The following SENP6 variants were observed in gnomAD, a reference collection of about 807,000 sequenced individuals.
The protein encoded by SENP6 is sentrin-specific protease 6.
Under a neutral mutation model 134.5 loss-of-function variants are expected in SENP6, and 41 were observed. That is an observed-to-expected ratio of 0.30 (90% CI 0.24 to 0.40). The LOEUF (loss-of-function observed/expected upper bound fraction) is 0.40, where lower values mean the gene tolerates loss of function less well. Among genes scored for constraint, SENP6 ranks in the 10% least tolerant of loss-of-function variants. The pLI is 1.00. For missense variants in SENP6, 1,248 were observed against 1,312.5 expected (o/e 0.95, Z 0.76); for synonymous variants, 395 against 429.8 (o/e 0.92, Z 1.00).
At chr6:75,706,692 A>G (rs1775425601) in intron 19 of SENP6, among the ~76,000 whole-genome samples, 1 of 152,226 alleles carries the variant, frequency 6.6e-6, no homozygotes, top group African/African-American at 2.4e-5. Flanking sequence ...GTATGTGTAT[A>G]CCATATCAAC....
intron 18 of SENP6, among the ~76,000 whole-genome samples, chr6:75,699,658 T>C (rs1439437376): frequency 6.6e-6 from 1 of 151,590 alleles, no homozygotes; most frequent in Non-Finnish European, 1.5e-5. Flanking sequence ...CAGCTAATTT[T>C]TGTATTTTTT....
Position 75,668,898 on chromosome 6 carries a change from A to T in SENP6, c.1225-1655A>T, listed in dbSNP as rs116012846. ...TGATGCTCCATGGAGGGTGTGGACC[A>T]TTCATATTCTAGACTAAATCCTTTA... On this transcript the variant is annotated intron_variant, in intron 10 of 23. Coordinates refer to ENST00000447266, the MANE Select transcript of SENP6 (RefSeq NM_015571.4). Among the ~76,000 whole-genome samples the T allele has an allele frequency of 4.6e-3, 697 of 152,322 alleles. 7 individuals carry two copies. Among genetic ancestry groups the T allele is most frequent in the African/African-American group, 0.015 (618 of 41,574 alleles).
chr6:75,626,125 T>TTG (rs1554160469), intron 3 of SENP6, among the ~76,000 whole-genome samples: 3 of 151,052 alleles, frequency 2.0e-5, no homozygotes, highest in South Asian at 2.1e-4. Context: ...GAGAGTTAGG[T>TTG]TTGTTGTTGT....
chr6:75,676,541 T>TA (rs938558346), intron 13 of SENP6: 7 of 156,428 alleles, frequency 4.5e-5, no homozygotes, highest in East Asian at 1.9e-4. Flanking sequence ...GCTTAGAAGA[T>TA]ATACACATTT....
chr6:75,665,339 A>G (rs544913691), intron 9 of SENP6, among the ~76,000 whole-genome samples: 1 of 152,256 alleles, frequency 6.6e-6, no homozygotes, highest in Non-Finnish European at 1.5e-5. Flanking sequence ...CAAAATGCAT[A>G]ATATTGAGGG....
chr6:75,667,667 T>G (rs906693520), intron 10 of SENP6, among the ~76,000 whole-genome samples: 1 of 152,196 alleles, frequency 6.6e-6, no homozygotes, highest in Non-Finnish European at 1.5e-5. Context: ...GAAAGAAATG[T>G]AAAAATGACC....
At chr6:75,676,931 C>G in intron 13 of SENP6, 99 bp from the exon 14 acceptor site, 2 of 658,718 alleles carry the variant, frequency 3.0e-6, no homozygotes, top group East Asian at 5.5e-5. Flanking sequence ...ACTGGGATTT[C>G]TGATTATCCT....
chr6:75,627,591 C>T (rs1768793968), intron 3 of SENP6, among the ~76,000 whole-genome samples: 1 of 152,076 alleles, frequency 6.6e-6, no homozygotes, highest in Non-Finnish European at 1.5e-5. Flanking sequence ...AAATGAGACT[C>T]TACCAGAAAT....
chr6:75,618,277 G>T (rs1186011759), intron 1 of SENP6, among the ~76,000 whole-genome samples: 1 of 151,792 alleles, frequency 6.6e-6, no homozygotes, highest in East Asian at 1.9e-4. Flanking sequence ...TTATTCATCT[G>T]TTTTTATCAG....
At position 75,705,925 on chromosome 6, in the gene SENP6, C is replaced by CTT. The variant is rs71544062; in HGVS notation, c.2716+2881_2716+2882dup. Among the ~76,000 whole-genome samples, 31 of 47,974 alleles carry CTT rather than the reference C, an allele frequency of 6.5e-4. 2 individuals are homozygous for CTT. The highest frequency in any genetic ancestry group is 2.7e-3 in the East Asian group (3 of 1,132). The allele number at this position is 47,974 out of a possible 152,430, so 31.5% of individuals were successfully genotyped here. A position where few individuals can be genotyped will look rare whatever the true frequency, so the allele number is the denominator to read the frequency against. On this transcript the variant is annotated intron_variant, in intron 19 of 23. Transcript: ENST00000447266. Reference sequence around the variant, plus strand: ...GTGAGTTAGAAAGCTATTTTTGAGCCTTTTTTTTTTTTTTTTTTTTTTTTT... The same window carrying CTT: ...GTGAGTTAGAAAGCTATTTTTGAGCCTTTTTTTTTTTTTTTTTTTTTTTTTTT...
intron 21 of SENP6, among the ~76,000 whole-genome samples, chr6:75,712,533 AT>A (rs896918647): frequency 3.5e-4 from 53 of 152,200 alleles, no homozygotes; most frequent in Middle Eastern, 3.4e-3. Flanking sequence ...AAAAAAAAAA[AT>A]AATAGCCAAC....
At chr6:75,709,751 C>G (rs946880487) in intron 20 of SENP6, 121 bp downstream of exon 20, 7 of 591,158 alleles carry the variant, frequency 1.2e-5, no homozygotes, top group Non-Finnish European at 2.1e-5. Context: ...AGAAAGATCT[C>G]TTGAGCCTAG....
intron 7 of SENP6, among the ~76,000 whole-genome samples, chr6:75,649,361 A>C (rs1032848970): frequency 2.0e-5 from 3 of 152,172 alleles, no homozygotes; most frequent in African/African-American, 7.2e-5. Flanking sequence ...GATTTGGCCC[A>C]CTAATAATGG....
intron 3 of SENP6, among the ~76,000 whole-genome samples, chr6:75,629,025 A>C (rs990251847): frequency 1.3e-5 from 2 of 152,164 alleles, no homozygotes; most frequent in African/African-American, 4.8e-5. Context: ...GTGCCTGGCC[A>C]CAGTTCTTTC....
intron 16 of SENP6, 96 bp downstream of exon 16, chr6:75,679,023 T>C: frequency 1.5e-6 from 1 of 650,664 alleles, no homozygotes; most frequent in Non-Finnish European, 2.7e-6. Context: ...GAGTTTTAAA[T>C]TCCATCTCTG....
chr6:75,673,146 C>T (rs16886806), intron 11 of SENP6, among the ~76,000 whole-genome samples: 2,587 of 151,904 alleles, frequency 0.017, 50 homozygotes, highest in East Asian at 0.11. Context: ...TATTTAGAAG[C>T]GTCCATTTTA....
rs1252840267 is a variant in SENP6 at position 75,633,644 on chromosome 6, A to G, written c.271A>G (p.Arg91Gly). 1.9e-6 allele frequency: 3 copies of G among 1,612,304 alleles called. No homozygotes were observed. Among genetic ancestry groups the G allele is most frequent in the Middle Eastern group, 3.3e-4 (2 of 6,052 alleles). ...SGEFILKTYVRRNKSESFKTL... is the reference protein window; with the variant it reads ...SGEFILKTYVGRNKSESFKTL... ...TGAATTCATCTTGAAGACATATGTAAGACGAAACAAGTCTGAAAGTTTTAA... is the reference window on the plus strand; with the variant it reads ...TGAATTCATCTTGAAGACATATGTAGGACGAAACAAGTCTGAAAGTTTTAA... Residue 91 changes from arginine (R) to glycine (G), a missense_variant, in exon 4 of 24, where the codon AGA becomes GGA. Around this residue, in one of 3 missense-constraint regions of SENP6, gnomAD observed 733 missense variants for 725.4 expected, o/e 1.01. Transcript: ENST00000447266.
At chr6:75,626,483 T>A (rs1768703513) in intron 3 of SENP6, among the ~76,000 whole-genome samples, 1 of 152,142 alleles carries the variant, frequency 6.6e-6, no homozygotes, top group South Asian at 2.1e-4. Flanking sequence ...ATCCTTTTTA[T>A]TGTTATATAG....
At chr6:75,619,602 A>G (rs980907570) in intron 1 of SENP6, among the ~76,000 whole-genome samples, 3 of 152,122 alleles carry the variant, frequency 2.0e-5, no homozygotes, top group Non-Finnish European at 4.4e-5. Context: ...GTTTGAATAC[A>G]TGCTTTTGTT....
Sources: gnomAD v4.1 joint callset for allele counts (sites outside exome capture counted in the v4.1 genomes callset) on GRCh38, gnomAD v4.1.1 for gene constraint, gnomAD v4.1.1 regional missense constraint, MANE v1.5 for transcripts, NCBI Gene and HGNC (gene_info 2026-07-23, HGNC 2026-07-21) for gene names.